Variants in SND1 observed in about 807,000 individuals in gnomAD.
SND1 encodes staphylococcal nuclease domain-containing protein 1.
SND1 carries 38 observed loss-of-function variants against 121.7 expected under a neutral mutation model. That is an observed-to-expected ratio of 0.31 (90% CI 0.24 to 0.41). The LOEUF (loss-of-function observed/expected upper bound fraction) is 0.41, where lower values mean the gene tolerates loss of function less well. Among genes scored for constraint, SND1 ranks in the 10% least tolerant of loss-of-function variants. The pLI, the probability that SND1 is intolerant of heterozygous loss-of-function variation, is 1.00. For missense variants in SND1, 868 were observed against 1,184.6 expected, an observed-to-expected ratio of 0.73 and a Z score of 3.92; for synonymous variants, 401 against 447.4, an observed-to-expected ratio of 0.90 and a Z score of 1.31.
chr7:127,673,342 C>T (rs1032852317), intron 1 of SND1, among the ~76,000 whole-genome samples: 10 of 151,840 alleles, frequency 6.6e-5, no homozygotes, highest in Non-Finnish European at 1.3e-4. Flanking sequence ...GATGGAGTCT[C>T]GCTCTGTCGC....
chr7:127,689,132 A>T (rs991642434), intron 2 of SND1, among the ~76,000 whole-genome samples: 10 of 152,246 alleles, frequency 6.6e-5, no homozygotes, highest in African/African-American at 2.4e-4. Flanking sequence ...GGGTCGTTTA[A>T]TGAAGATTAA....
chr7:128,027,513 G>GC (rs1803511562), intron 16 of SND1: 1 of 151,864 alleles, frequency 6.6e-6, no homozygotes, highest in Non-Finnish European at 1.5e-5. Context: ...CTCATGTTCT[G>GC]CCCCCACCCC....
chr7:127,850,965 AGT>A (rs1187875724), intron 12 of SND1, among the ~76,000 whole-genome samples: 1 of 152,222 alleles, frequency 6.6e-6, no homozygotes, highest in East Asian at 1.9e-4. Context: ...TCAGGATTAC[AGT>A]CAGGAAAATA....
At chr7:127,738,542 G>T (rs1338516153) in intron 10 of SND1, among the ~76,000 whole-genome samples, 1 of 152,114 alleles carries the variant, frequency 6.6e-6, no homozygotes. Flanking sequence ...GACTCCCAAA[G>T]TGCTGGGATT....
intron 1 of SND1, among the ~76,000 whole-genome samples, chr7:127,668,543 T>A (rs1795459007): frequency 6.6e-6 from 1 of 152,022 alleles, no homozygotes; most frequent in Non-Finnish European, 1.5e-5. Context: ...CAGGAAAAAA[T>A]AAGTATTTTT....
chr7:127,702,944 A>G (rs529856716), intron 6 of SND1, among the ~76,000 whole-genome samples: 2 of 152,282 alleles, frequency 1.3e-5, no homozygotes, highest in South Asian at 2.1e-4. Flanking sequence ...TATTGTCCTC[A>G]CGATAATGTG....
chr7:128,016,144 C>CTTTTTT (rs767867847), intron 16 of SND1, among the ~76,000 whole-genome samples: 2 of 123,000 alleles, frequency 1.6e-5, no homozygotes, highest in African/African-American at 3.6e-5. Context: ...GGAACAACTT[C>CTTTTTT]CTTTTTTTTT....
chr7:127,694,128 G>T (rs754208681), intron 2 of SND1, among the ~76,000 whole-genome samples: 17 of 152,204 alleles, frequency 1.1e-4, no homozygotes, highest in Non-Finnish European at 2.2e-4. Context: ...ACCTGTAAAG[G>T]CTTCAGACTA....
intron 10 of SND1, among the ~76,000 whole-genome samples, chr7:127,779,848 C>T (rs1470311549): frequency 6.6e-6 from 1 of 152,140 alleles, no homozygotes; most frequent in African/African-American, 2.4e-5. Context: ...CAAGTGTTAC[C>T]CACTCTCATT....
intron 16 of SND1, among the ~76,000 whole-genome samples, chr7:128,024,756 C>T (rs552628450): frequency 5.5e-4 from 84 of 152,282 alleles, no homozygotes; most frequent in African/African-American, 1.9e-3. Context: ...GTTAAAAAGT[C>T]CTGGAGCACA....
At chr7:127,751,167 C>CGCGT (rs1403871597) in intron 10 of SND1, among the ~76,000 whole-genome samples, 8 of 151,850 alleles carry the variant, frequency 5.3e-5, no homozygotes, top group African/African-American at 1.2e-4. Context: ...TGTGTGTGCG[C>CGCGT]GCGTGCTGAA....
chr7:127,931,391 G>T (rs1287483318), intron 15 of SND1, among the ~76,000 whole-genome samples: 2 of 152,216 alleles, frequency 1.3e-5, no homozygotes, highest in Non-Finnish European at 2.9e-5. Flanking sequence ...ACACTGAGAG[G>T]TAAAGAAGCT....
intron 10 of SND1, among the ~76,000 whole-genome samples, chr7:127,800,673 T>C (rs1310587140): frequency 2.0e-5 from 3 of 152,210 alleles, no homozygotes; most frequent in Non-Finnish European, 4.4e-5. Context: ...TCTGGGTTCC[T>C]TTTTCAGCCT....
intron 12 of SND1, among the ~76,000 whole-genome samples, chr7:127,870,028 A>G (rs1208915716): frequency 1.3e-5 from 2 of 152,204 alleles, no homozygotes; most frequent in Admixed American, 1.3e-4. Flanking sequence ...ACAGGCTGTC[A>G]TGGTGGAAGG....
At chr7:128,039,915 A>C (rs1792820462) in intron 16 of SND1, among the ~76,000 whole-genome samples, 1 of 152,156 alleles carries the variant, frequency 6.6e-6, no homozygotes, top group Non-Finnish European at 1.5e-5. Context: ...AGCTGGGTAA[A>C]TTTAAAGGCA....
chr7:127,747,269 T>A (rs909160244), intron 10 of SND1, among the ~76,000 whole-genome samples: 3 of 152,240 alleles, frequency 2.0e-5, no homozygotes, highest in Admixed American at 2.0e-4. Flanking sequence ...TCAAAGGCCC[T>A]GGATCCTATG....
chr7:127,761,824 G>A (rs925404336), intron 10 of SND1, among the ~76,000 whole-genome samples: 3 of 152,212 alleles, frequency 2.0e-5, no homozygotes, highest in Admixed American at 6.5e-5. Flanking sequence ...TGCATCTTCC[G>A]TATAGCAGTA....
chr7:128,063,371 A>T (rs1793263281), intron 16 of SND1, among the ~76,000 whole-genome samples: 1 of 152,166 alleles, frequency 6.6e-6, no homozygotes, highest in South Asian at 2.1e-4. Context: ...GCTGCCTCTG[A>T]GTCATCACTG....
intron 11 of SND1, among the ~76,000 whole-genome samples, chr7:127,830,906 A>C (rs1240154171): frequency 6.6e-6 from 1 of 152,142 alleles, no homozygotes. Context: ...TATGAGTTAG[A>C]GTTCTAGTAA....
Sources: allele counts gnomAD v4.1 joint callset (sites outside exome capture counted in the v4.1 genomes callset), GRCh38; gene constraint gnomAD v4.1.1; transcripts MANE v1.5; gene names NCBI Gene and HGNC (gene_info 2026-07-23, HGNC 2026-07-21).